MZT1: variants seen among roughly 807,000 people sequenced by gnomAD.
MZT1 encodes the protein mitotic-spindle organizing protein 1.
In MZT1, 8 loss-of-function variants were observed where a neutral mutation model predicts 8.5. The observed-to-expected ratio is 0.94, with a 90% CI of 0.55 to 1.70. MZT1 has a LOEUF of 1.70. Among genes scored for constraint, MZT1 ranks in the 40% most tolerant of loss-of-function variants. The pLI is 0.00. For missense variants in MZT1, 93 were observed against 108.6 expected (o/e 0.86, Z 0.64); for synonymous variants, 38 against 42.0 (o/e 0.90, Z 0.37).
intron 1 of MZT1, among the ~76,000 whole-genome samples, chr13:72,726,744 GAA>G (rs35019188): frequency 7.6e-6 from 1 of 132,138 alleles, no homozygotes; most frequent in African/African-American, 2.9e-5. Context: ...TTATTTTACA[GAA>G]AAAAAAAAAA....
At chr13:72,715,085 T>C in intron 2 of MZT1, among the ~76,000 whole-genome samples, 1 of 152,202 alleles carries the variant, frequency 6.6e-6, no homozygotes, top group East Asian at 1.9e-4. Context: ...AAAGCAGCCA[T>C]GGGGGCTTAA....
intron 2 of MZT1, among the ~76,000 whole-genome samples, chr13:72,716,204 T>C (rs9530092): frequency 0.88 from 134,006 of 152,142 alleles, 61,105 homozygotes; most frequent in Non-Finnish European, 0.99. Context: ...GCTTAAGCTA[T>C]CATGCCCGGC....
chr13:72,712,172 CTA>C (rs1203231036), intron 2 of MZT1, among the ~76,000 whole-genome samples: 3 of 152,152 alleles, frequency 2.0e-5, no homozygotes, highest in Non-Finnish European at 4.4e-5. Context: ...TAGAAACTCC[CTA>C]GTTGTTGCTG....
intron 2 of MZT1, among the ~76,000 whole-genome samples, chr13:72,715,508 C>A (rs538194252): frequency 3.9e-5 from 6 of 152,200 alleles, no homozygotes; most frequent in Admixed American, 3.9e-4. Context: ...GAAGGGCCAG[C>A]GAGGGAATGA....
rs936280798 is a variant in MZT1 at position 72,710,000 on chromosome 13, G to A, written c.*322C>T. The A allele has an allele frequency of 2.6e-5, 8 of 306,556 alleles. No individual in the cohort carries two copies. The highest frequency in any genetic ancestry group is 1.8e-4 in the African/African-American group (8 of 45,554). The allele number at this position is 306,556 out of a possible 1,614,324, so 19.0% of individuals were successfully genotyped here. ...TATACTTCAACCTGGCACAGCAGAT[G>A]TGCACATCTGATAGACAGACTGCTT... is the stretch of plus-strand genomic sequence containing the variant. On this transcript the variant is annotated 3_prime_UTR_variant, in exon 3 of 3. Coordinates refer to ENST00000377818, the MANE Select transcript of MZT1 (RefSeq NM_001071775.3).
chr13:72,722,729 C>T (rs1008476199), intron 1 of MZT1, among the ~76,000 whole-genome samples: 8 of 152,196 alleles, frequency 5.3e-5, no homozygotes, highest in Non-Finnish European at 1.0e-4. Flanking sequence ...TTGTCAGATT[C>T]TATTCCCGAC....
chr13:72,711,344 A>G (rs936559026), intron 2 of MZT1, among the ~76,000 whole-genome samples: 1 of 152,188 alleles, frequency 6.6e-6, no homozygotes, highest in African/African-American at 2.4e-5. Context: ...AAAGTGGCCT[A>G]TTTATGGCTG....
intron 2 of MZT1, among the ~76,000 whole-genome samples, chr13:72,710,757 T>C (rs1473604701): frequency 1.3e-5 from 2 of 152,086 alleles, no homozygotes; most frequent in African/African-American, 2.4e-5. Context: ...AGATGAATAA[T>C]GAACATCTTA....
chr13:72,713,917 A>G (rs1215710265), intron 2 of MZT1, among the ~76,000 whole-genome samples: 1 of 152,200 alleles, frequency 6.6e-6, no homozygotes, highest in Admixed American at 6.5e-5. Flanking sequence ...GGCATGAGAA[A>G]AGTATTCATA....
At chr13:72,715,741 C>T (rs1438809223) in intron 2 of MZT1, among the ~76,000 whole-genome samples, 1 of 152,102 alleles carries the variant, frequency 6.6e-6, no homozygotes, top group East Asian at 1.9e-4. Flanking sequence ...CACTCTCTCC[C>T]TCTCTTGCTC....
chr13:72,725,361 G>A (rs376091473), intron 1 of MZT1, among the ~76,000 whole-genome samples: 1 of 152,122 alleles, frequency 6.6e-6, no homozygotes, highest in African/African-American at 2.4e-5. Context: ...TCTTTTCAGA[G>A]TGAGGTGCAC....
At chr13:72,724,701 A>AATATATATATAT (rs71198160) in intron 1 of MZT1, among the ~76,000 whole-genome samples, 1 of 32,642 alleles carries the variant, frequency 3.1e-5, no homozygotes, top group African/African-American at 5.5e-5. Flanking sequence ...CTTACTACTA[A>AATATATATATAT]ATATATATAT....
chr13:72,716,318 C>T (rs113713745), intron 2 of MZT1, among the ~76,000 whole-genome samples: 33 of 152,016 alleles, frequency 2.2e-4, no homozygotes, highest in African/African-American at 7.2e-4. Context: ...GGGTTAGTGA[C>T]TGGGGAGAGG....
chr13:72,718,482 T>A (rs2032559273), intron 2 of MZT1, among the ~76,000 whole-genome samples: 1 of 145,576 alleles, frequency 6.9e-6, no homozygotes, highest in Non-Finnish European at 1.5e-5. Flanking sequence ...TAATTTTTCT[T>A]TTTTTTTTTT....
rs1029186502 is a variant in MZT1, at chr13:72,719,198, G to C, written c.80-101C>G. 4 of 928,364 alleles carry C rather than the reference G, an allele frequency of 4.3e-6. No homozygotes were observed. The African/African-American group carries it at 5.2e-5, about 12-fold the overall frequency. The allele number at this position is 928,364 out of a possible 1,614,324, so 57.5% of individuals were successfully genotyped here. A position where few individuals can be genotyped will look rare whatever the true frequency, so the allele number is the denominator to read the frequency against. On this transcript the variant is annotated intron_variant, in intron 1 of 2. Coordinates refer to ENST00000377818, the MANE Select transcript of MZT1 (RefSeq NM_001071775.3). ...TTTATATATCACTGCACAATACCAA[G>C]GAATTAGCATAGCATCCCAGGTTTT...
chr13:72,724,752 A>AATGTGTG (rs2032627920), intron 1 of MZT1, among the ~76,000 whole-genome samples: 1 of 56,856 alleles, frequency 1.8e-5, no homozygotes, highest in Non-Finnish European at 3.7e-5. Flanking sequence ...ACATATATAT[A>AATGTGTG]TGTAAAGTGG....
At chr13:72,724,752 A>ATATATATATATATATGTGTGTGTGTG in intron 1 of MZT1, among the ~76,000 whole-genome samples, 1 of 56,892 alleles carries the variant, frequency 1.8e-5, no homozygotes, top group East Asian at 6.2e-4. Flanking sequence ...ACATATATAT[A>ATATATATATATATATGTGTGTGTGTG]TGTAAAGTGG....
chr13:72,719,091 A>C lies in MZT1; in HGVS notation c.86T>G (p.Leu29Arg). The change falls in exon 2 of 3, where the codon CTT (leucine) becomes CGT (arginine). Residue 29 changes from leucine (L) to arginine (R), a missense_variant. Physicochemically the swap from Leu to Arg is moderately radical, Grantham distance 102 (BLOSUM62 -2). Transcript: ENST00000377818. ...AGTATTCAAAATTCTTGAAATCTCA[A>C]GCAGAACTGAAAAAAGATACAAAAA... ...NAVRETMDVL[L>R]EISRILNTGL... is the part of the protein sequence containing the mutation. The C allele has an allele frequency of 6.5e-7, 1 of 1,530,230 alleles. No homozygotes were observed. The highest frequency in any genetic ancestry group is 8.7e-7 in the Non-Finnish European group (1 of 1,152,150). The allele number at this position is 1,530,230 out of a possible 1,614,324, so 94.8% of individuals were successfully genotyped here.
At chr13:72,715,840 AT>A (rs762094223) in intron 2 of MZT1, among the ~76,000 whole-genome samples, 1 of 152,082 alleles carries the variant, frequency 6.6e-6, no homozygotes, top group Non-Finnish European at 1.5e-5. Flanking sequence ...AGATGCCACT[AT>A]GCTTTCTATA....
Sources: allele counts gnomAD v4.1 joint callset (sites outside exome capture counted in the v4.1 genomes callset), GRCh38; gene constraint gnomAD v4.1.1; transcripts MANE v1.5; gene names NCBI Gene and HGNC (gene_info 2026-07-23, HGNC 2026-07-21).